The following ANK2 variants were observed in gnomAD, a reference collection of about 807,000 sequenced individuals.
The protein encoded by ANK2 is ankyrin 2.
Under a neutral mutation model 360.5 loss-of-function variants are expected in ANK2, and 83 were observed. That is an observed-to-expected ratio of 0.23 (90% confidence interval 0.19 to 0.28). The LOEUF (loss-of-function observed/expected upper bound fraction) is 0.28. Ranked by LOEUF, ANK2 falls within the 10% of genes least tolerant of loss-of-function variation. The pLI is 1.00. For missense variants in ANK2, 4,201 were observed against 4,795.7 expected (o/e 0.88, Z 3.66); for synonymous variants, 1,740 against 1,759.5 (o/e 0.99, Z 0.28).
Position 113,355,664 on chromosome 4 carries a change from G to A in ANK2, c.7046G>A (p.Cys2349Tyr). ...TPTGLTEEAA[C>Y]DEGQRTFGSS... ...ACAGGACTGACTGAGGAGGCAGCCT[G>A]TGATGAAGGTCAACGTACCTTTGGT... The change falls in exon 38 of 46, where the codon TGT becomes TAT. Residue 2349 changes from cysteine (C) to tyrosine (Y), a missense_variant. This residue lies in a region of ANK2 where 2,642 missense variants were observed against 2,714.5 expected (regional missense o/e 0.97). Transcript: ENST00000357077. 6.2e-7 allele frequency: 1 copy of A among 1,614,140 alleles called. No homozygotes were observed. The highest frequency in any genetic ancestry group is 8.5e-7 in the Non-Finnish European group (1 of 1,179,990).
intron 2 of ANK2, among the ~76,000 whole-genome samples, chr4:113,001,057 G>A (rs902915227): frequency 4.6e-5 from 7 of 152,062 alleles, no homozygotes; most frequent in South Asian, 4.2e-4. Flanking sequence ...ATGTGAGGTC[G>A]GGCACGGTGG....
At chr4:112,765,995 A>G in the ANK2 span, among the ~76,000 whole-genome samples, 1 of 152,324 alleles carries the variant, frequency 6.6e-6, no homozygotes, top group African/African-American at 2.4e-5. Flanking sequence ...TACTCTCAGC[A>G]TGACTGACAC....
At chr4:113,305,264 C>T (rs1037258185) in intron 23 of ANK2, among the ~76,000 whole-genome samples, 11 of 135,746 alleles carry the variant, frequency 8.1e-5, no homozygotes, top group African/African-American at 2.8e-4. Flanking sequence ...GGCGTGAACC[C>T]GGGAGGCGGA....
At chr4:113,154,698 A>G (rs1489557905) in intron 1 of ANK2, among the ~76,000 whole-genome samples, 2 of 152,228 alleles carry the variant, frequency 1.3e-5, no homozygotes, top group East Asian at 3.8e-4. Flanking sequence ...CTGTAAGTCT[A>G]CATGTTCTTT....
intron 1 of ANK2, among the ~76,000 whole-genome samples, chr4:112,824,294 C>T (rs1273814721): frequency 1.3e-5 from 2 of 151,948 alleles, no homozygotes; most frequent in Middle Eastern, 3.2e-3. Context: ...ATCTTCCAGC[C>T]TCAGCCTCCC....
chr4:113,227,434 G>C (rs1464479771), intron 4 of ANK2, among the ~76,000 whole-genome samples: 2 of 152,050 alleles, frequency 1.3e-5, no homozygotes, highest in Non-Finnish European at 2.9e-5. Context: ...TGTGATTATG[G>C]TACTTCCTAC....
intron 1 of ANK2, among the ~76,000 whole-genome samples, chr4:112,827,975 G>C (rs1030806460): frequency 3.3e-5 from 5 of 152,052 alleles, no homozygotes; most frequent in Non-Finnish European, 5.9e-5. Context: ...TATACCACAG[G>C]CTGCAATAAC....
chr4:112,932,741 A>G (rs1164070854), intron 2 of ANK2, among the ~76,000 whole-genome samples: 1 of 152,156 alleles, frequency 6.6e-6, no homozygotes, highest in Non-Finnish European at 1.5e-5. Flanking sequence ...TCTTTCAATT[A>G]GTTTTCAAAA....
At chr4:113,295,524 T>C (rs1012531721) in intron 22 of ANK2, among the ~76,000 whole-genome samples, 3 of 152,176 alleles carry the variant, frequency 2.0e-5, no homozygotes, top group Admixed American at 1.3e-4. Context: ...CTACCACATC[T>C]ATCTCTGGAA....
chr4:113,373,093 G>A lies in ANK2; in HGVS notation c.11614G>A (p.Asp3872Asn). 1 of 1,613,950 alleles carries A rather than the reference G, an allele frequency of 6.2e-7. No individual in the cohort carries two copies. The highest frequency in any genetic ancestry group is 1.7e-5 in the Admixed American group (1 of 60,018). Reference sequence around the variant, plus strand: ...CCCTTTTCTCTCAACTGTTTAGGGAGACGATATGCCTGAAATACCCCCAGA... The same window carrying A: ...CCCTTTTCTCTCAACTGTTTAGGGAAACGATATGCCTGAAATACCCCCAGA... Reference protein sequence around the residue: ...LDEDAAFEKGDDMPEIPPETV... With the variant: ...LDEDAAFEKGNDMPEIPPETV... Residue 3872 changes from aspartate to asparagine, a missense_variant, in exon 44 of 46, where the codon GAC becomes AAC. This residue lies in a region of ANK2 where 2,642 missense variants were observed against 2,714.5 expected (regional missense o/e 0.97). Transcript: ENST00000357077.
chr4:112,711,253 G>C, the ANK2 span, among the ~76,000 whole-genome samples: 1 of 151,898 alleles, frequency 6.6e-6, no homozygotes, highest in Non-Finnish European at 1.5e-5. Context: ...AGTGCAGTGG[G>C]GTGCAGTGGT....
At chr4:113,120,048 A>G (rs2095245662) in intron 1 of ANK2, among the ~76,000 whole-genome samples, 1 of 152,132 alleles carries the variant, frequency 6.6e-6, no homozygotes, top group Non-Finnish European at 1.5e-5. Context: ...ATCTACTTTC[A>G]ACCTCATTAT....
At chr4:113,049,484 A>T (rs61115787), upstream of ANK2, 1 of 372,578 alleles carries the variant, frequency 2.7e-6, no homozygotes, top group Non-Finnish European at 3.7e-6. Flanking sequence ...TTCTTTTTTC[A>T]AGGCTTTCTT....
At chr4:112,958,592 G>C (rs1157596250) in intron 2 of ANK2, among the ~76,000 whole-genome samples, 1 of 152,038 alleles carries the variant, frequency 6.6e-6, no homozygotes, top group Non-Finnish European at 1.5e-5. Flanking sequence ...TGGAAAGAGA[G>C]GGAGAGGGAG....
intron 1 of ANK2, chr4:113,160,435 T>C: frequency 3.5e-6 from 1 of 286,288 alleles, no homozygotes; most frequent in East Asian, 1.3e-4. Flanking sequence ...TAAGAGCAGA[T>C]ATAAATTTTG....
At position 113,341,822 on chromosome 4, in the gene ANK2, G is replaced by C; in HGVS notation, c.4028G>C (p.Arg1343Thr). ...FAKSHDPIEA[R>T]LRCFCMTDDK... ...AAATCACATGACCCCATTGAAGCCA[G>C]GTTGAGGTGTTTCTGCATGACTGAT... Residue 1343 changes from arginine (R) to threonine (T), a missense_variant, in exon 33 of 46, where the codon AGG (arginine) becomes ACG (threonine). Physicochemically the swap from Arg to Thr is moderately conservative, Grantham distance 71 (BLOSUM62 -1). This residue lies in a region of ANK2 where 1,268 missense variants were observed against 1,650.8 expected (regional missense o/e 0.77). Coordinates refer to ENST00000357077, the MANE Select transcript of ANK2 (RefSeq NM_001148.6). The C allele has an allele frequency of 6.2e-7, 1 of 1,614,124 alleles. No individual in the cohort carries two copies. Among genetic ancestry groups the C allele is most frequent in the Non-Finnish European group, 8.5e-7 (1 of 1,180,020 alleles).
chr4:112,975,521 A>G (rs2041087145), intron 2 of ANK2, among the ~76,000 whole-genome samples: 1 of 152,328 alleles, frequency 6.6e-6, no homozygotes, highest in East Asian at 1.9e-4. Flanking sequence ...TTACACAAAA[A>G]TGGGTTTAAT....
At position 112,920,625 on chromosome 4, in the gene ANK2, A is replaced by C. The variant is rs575762721; in HGVS notation, c.21+16111A>C. Among the ~76,000 whole-genome samples, 48 of 152,316 alleles carry C rather than the reference A, an allele frequency of 3.2e-4. 1 individual carries two copies. Among genetic ancestry groups the C allele is most frequent in the African/African-American group, 1.1e-3 (45 of 41,578 alleles). On this transcript the variant is annotated intron_variant, in intron 2 of 30. Transcript: ENST00000503271. ...TATAAATTGAACATTAATATTTTAAATTCTCTTGGATTTCCACAGGTTTTA... is the reference window on the plus strand; with the variant it reads ...TATAAATTGAACATTAATATTTTAACTTCTCTTGGATTTCCACAGGTTTTA...
At chr4:113,290,390 G>A (rs1288100373) in intron 20 of ANK2, among the ~76,000 whole-genome samples, 8 of 152,010 alleles carry the variant, frequency 5.3e-5, no homozygotes, top group Admixed American at 4.6e-4. Flanking sequence ...CTTTAAAAAT[G>A]TAAACATATA....
Sources: allele counts gnomAD v4.1 joint callset (sites outside exome capture counted in the v4.1 genomes callset), GRCh38; gene constraint gnomAD v4.1.1; regional missense constraint gnomAD v4.1.1; transcripts MANE v1.5; gene names NCBI Gene and HGNC (gene_info 2026-07-23, HGNC 2026-07-21).